Variants in LRRC4C observed in about 807,000 individuals in gnomAD.
LRRC4C encodes leucine-rich repeat-containing protein 4C.
A neutral mutation model predicts 33.6 loss-of-function variants in LRRC4C; 5 were observed. The ratio of observed to expected loss-of-function variants is 0.15; its 90% CI spans 0.08 to 0.31. LRRC4C has a LOEUF of 0.31. Ranked by LOEUF, LRRC4C falls within the 10% of genes least tolerant of loss-of-function variation. The pLI is 1.00. For missense variants in LRRC4C, 560 were observed against 796.7 expected (o/e 0.70, Z 3.58); for synonymous variants, 329 against 302.0 (o/e 1.09, Z -0.93).
intron 1 of LRRC4C, among the ~76,000 whole-genome samples, chr11:41,176,926 C>G (rs1475309995): frequency 1.3e-5 from 2 of 152,060 alleles, no homozygotes; most frequent in Non-Finnish European, 2.9e-5. Context: ...GATTGCGCCA[C>G]TGCACTCCAG....
intron 2 of LRRC4C, among the ~76,000 whole-genome samples, chr11:40,737,477 C>G (rs954070103): frequency 2.6e-5 from 4 of 152,230 alleles, no homozygotes; most frequent in African/African-American, 9.6e-5. Flanking sequence ...ACTCCATCGT[C>G]TCAGCCCAAA....
intron 3 of LRRC4C, among the ~76,000 whole-genome samples, chr11:40,403,776 A>G (rs1318543481): frequency 6.6e-6 from 1 of 152,144 alleles, no homozygotes; most frequent in Non-Finnish European, 1.5e-5. Context: ...GAAAAAGAAC[A>G]TTGGAGTTGA....
intron 1 of LRRC4C, among the ~76,000 whole-genome samples, chr11:41,107,012 TA>T (rs58432273): frequency 0.93 from 138,950 of 149,158 alleles, 64,857 homozygotes; most frequent in East Asian, 1. Context: ...ACCTCATCTT[TA>T]AAAAAAAAAT....
intron 3 of LRRC4C, among the ~76,000 whole-genome samples, chr11:40,450,902 T>C (rs1165835448): frequency 1.3e-5 from 2 of 151,896 alleles, no homozygotes; most frequent in African/African-American, 4.8e-5. Context: ...ACAATACACT[T>C]CTACGGAACT....
intron 3 of LRRC4C, among the ~76,000 whole-genome samples, chr11:40,524,965 G>A (rs11035892): frequency 0.088 from 13,358 of 152,128 alleles, 1,660 homozygotes; most frequent in African/African-American, 0.28. Context: ...ATCAAGGAAG[G>A]CATCCCTCAG....
chr11:40,639,454 C>T (rs1188609275), intron 3 of LRRC4C, among the ~76,000 whole-genome samples: 2 of 152,152 alleles, frequency 1.3e-5, no homozygotes, highest in East Asian at 1.9e-4. Flanking sequence ...AAATTAGAGC[C>T]AGAATTGTTC....
chr11:40,469,336 G>A (rs116128711), intron 3 of LRRC4C, among the ~76,000 whole-genome samples: 20,506 of 152,124 alleles, frequency 0.13, 1,475 homozygotes, highest in Non-Finnish European at 0.15. Context: ...CGTGAGGAAT[G>A]GTGATATCCG....
intron 1 of LRRC4C, among the ~76,000 whole-genome samples, chr11:41,050,000 G>A (rs1357785101): frequency 6.6e-6 from 1 of 152,128 alleles, no homozygotes; most frequent in Non-Finnish European, 1.5e-5. Context: ...GGAATATGGA[G>A]GAAAATTTCA....
intron 1 of LRRC4C, among the ~76,000 whole-genome samples, chr11:41,291,482 A>T (rs1949991489): frequency 1.3e-5 from 2 of 152,202 alleles, no homozygotes; most frequent in South Asian, 4.1e-4. Flanking sequence ...ATGAATTTTT[A>T]CTGCAAAATT....
chr11:40,778,007 TC>T (rs540640360), intron 2 of LRRC4C, among the ~76,000 whole-genome samples: 59 of 152,260 alleles, frequency 3.9e-4, no homozygotes, highest in African/African-American at 1.4e-3. Context: ...TTTTTTTAAT[TC>T]AACTTACCAC....
intron 4 of LRRC4C, among the ~76,000 whole-genome samples, chr11:40,271,331 A>G (rs1178035999): frequency 6.6e-6 from 1 of 152,168 alleles, no homozygotes; most frequent in Non-Finnish European, 1.5e-5. Context: ...GAGCAGCTGC[A>G]TTTCCAAATT....
chr11:40,761,740 G>T (rs183191290), intron 2 of LRRC4C, among the ~76,000 whole-genome samples: 34 of 152,138 alleles, frequency 2.2e-4, no homozygotes, highest in Non-Finnish European at 3.5e-4. Flanking sequence ...ATGATAAAAG[G>T]CCAGTTTTTG....
chr11:40,659,275 C>T (rs1943296974), intron 2 of LRRC4C, among the ~76,000 whole-genome samples: 1 of 152,166 alleles, frequency 6.6e-6, no homozygotes, highest in South Asian at 2.1e-4. Context: ...GACTTTGGGC[C>T]CTGATGAGGG....
In LRRC4C at chr11:40,910,618, G is replaced by A. The variant is rs760481037; in HGVS notation, c.-407+23017C>T. 5.9e-5 allele frequency among the ~76,000 whole-genome samples: 9 copies of A among 152,284 alleles called. No individual in the cohort carries two copies. The East Asian group carries it at 1.2e-3, about 20-fold the overall frequency. On this transcript the variant is annotated intron_variant, in intron 2 of 6. Coordinates refer to ENST00000528697, the MANE Select transcript of LRRC4C (RefSeq NM_001258419.2). ...ACAGCTCCAGTCTACAGCTCCCAGC[G>A]TGAGCAACACAGAAGAATGATTTCT...
At chr11:41,144,843 T>A (rs1943660237) in intron 1 of LRRC4C, among the ~76,000 whole-genome samples, 1 of 152,168 alleles carries the variant, frequency 6.6e-6, no homozygotes, top group Non-Finnish European at 1.5e-5. Flanking sequence ...GGCTGTAGAA[T>A]TGCTCTGATT....
intron 5 of LRRC4C, among the ~76,000 whole-genome samples, chr11:40,154,955 A>G (rs1858559997): frequency 6.6e-6 from 1 of 152,206 alleles, no homozygotes; most frequent in African/African-American, 2.4e-5. Flanking sequence ...ATGATAGGCC[A>G]TAAAATGAGC....
At chr11:40,381,997 C>T (rs1452455965) in intron 3 of LRRC4C, among the ~76,000 whole-genome samples, 1 of 137,840 alleles carries the variant, frequency 7.3e-6, no homozygotes, top group Non-Finnish European at 1.5e-5. Flanking sequence ...CGCTCTGTCG[C>T]CCAGGCTGGA....
intron 1 of LRRC4C, among the ~76,000 whole-genome samples, chr11:40,980,582 T>G (rs370603887): frequency 4.6e-5 from 7 of 152,244 alleles, no homozygotes; most frequent in African/African-American, 1.7e-4. Context: ...AAAAAAAGTC[T>G]AAGCAATTAA....
intron 3 of LRRC4C, 84 bp downstream of exon 3, chr11:40,648,058 T>C (rs1942572461): frequency 6.6e-6 from 1 of 152,216 alleles, no homozygotes; most frequent in African/African-American, 2.4e-5. Context: ...AGGAGAATTA[T>C]AATGATCTGA....
Sources: gnomAD v4.1 joint callset for allele counts (sites outside exome capture counted in the v4.1 genomes callset) on GRCh38, gnomAD v4.1.1 for gene constraint, MANE v1.5 for transcripts, NCBI Gene and HGNC (gene_info 2026-07-23, HGNC 2026-07-21) for gene names.